Variants in LPAR1 observed in about 807,000 individuals in gnomAD.
LPAR1 encodes lysophosphatidic acid receptor 1.
Under a neutral mutation model 23.8 loss-of-function variants are expected in LPAR1, and 5 were observed. That is an observed-to-expected ratio of 0.21 (90% confidence interval 0.11 to 0.44). The LOEUF (loss-of-function observed/expected upper bound fraction) is 0.44, where lower values mean the gene tolerates loss of function less well. Ranked by LOEUF, LPAR1 falls within the 20% of genes least tolerant of loss-of-function variation. The pLI, the probability that LPAR1 is intolerant of heterozygous loss-of-function variation, is 0.99. For synonymous variants in LPAR1, 160 were observed against 164.7 expected, an observed-to-expected ratio of 0.97 and a Z score of 0.22; for missense variants, 311 against 482.8, an observed-to-expected ratio of 0.64 and a Z score of 3.33.
chr9:110,930,886 G>A (rs1054277989), intron 5 of LPAR1, among the ~76,000 whole-genome samples: 11 of 152,144 alleles, frequency 7.2e-5, no homozygotes, highest in Non-Finnish European at 1.6e-4. Context: ...CTGCACTCCA[G>A]CCTGGGCAAC....
intron 2 of LPAR1, among the ~76,000 whole-genome samples, chr9:111,034,797 T>C (rs1414704058): frequency 2.0e-5 from 3 of 152,168 alleles, no homozygotes; most frequent in South Asian, 2.1e-4. Context: ...CCTATCCCCA[T>C]GTAGCATAAC....
At chr9:110,954,602 G>A (rs2095674631) in intron 4 of LPAR1, among the ~76,000 whole-genome samples, 1 of 151,982 alleles carries the variant, frequency 6.6e-6, no homozygotes, top group African/African-American at 2.4e-5. Context: ...ACTTATAAGG[G>A]AACCCTCATC....
chr9:111,014,911 C>T (rs2097410655), intron 2 of LPAR1, among the ~76,000 whole-genome samples: 1 of 151,746 alleles, frequency 6.6e-6, no homozygotes, highest in African/African-American at 2.4e-5. Context: ...TCCTAACTCC[C>T]AGTACCTCAG....
chr9:110,947,971 G>C (rs1001148517), intron 4 of LPAR1, among the ~76,000 whole-genome samples: 2 of 152,138 alleles, frequency 1.3e-5, no homozygotes, highest in African/African-American at 4.8e-5. Flanking sequence ...AAATACAATA[G>C]AGTGAGCCGG....
At chr9:110,956,156 A>G (rs572199715) in intron 4 of LPAR1, among the ~76,000 whole-genome samples, 13 of 142,560 alleles carry the variant, frequency 9.1e-5, no homozygotes, top group Non-Finnish European at 1.7e-4. Context: ...GAAACACTGC[A>G]TGTTCTCACT....
chr9:111,025,669 T>C (rs2097676393), intron 2 of LPAR1, among the ~76,000 whole-genome samples: 1 of 152,228 alleles, frequency 6.6e-6, no homozygotes, highest in Admixed American at 6.5e-5. Flanking sequence ...TTAGGGTTTT[T>C]ATGGTTTTAG....
chr9:110,961,582 T>C (rs1193747346), intron 4 of LPAR1, among the ~76,000 whole-genome samples: 1 of 133,250 alleles, frequency 7.5e-6, no homozygotes, highest in Non-Finnish European at 1.5e-5. Flanking sequence ...ATCATGCCAC[T>C]GCACTTCAGC....
chr9:110,984,305 T>A (rs1180180764), intron 2 of LPAR1, among the ~76,000 whole-genome samples: 5 of 152,124 alleles, frequency 3.3e-5, no homozygotes, highest in African/African-American at 1.2e-4. Flanking sequence ...TTAATTTTTT[T>A]AGTTCCTACA....
chr9:111,019,593 C>G (rs969109859), intron 2 of LPAR1, among the ~76,000 whole-genome samples: 1 of 151,904 alleles, frequency 6.6e-6, no homozygotes, highest in Non-Finnish European at 1.5e-5. Context: ...TAAAAAGTTC[C>G]TTGGGAGGCC....
At chr9:111,003,603 G>GTAC (rs1445178608) in intron 2 of LPAR1, among the ~76,000 whole-genome samples, 6 of 152,148 alleles carry the variant, frequency 3.9e-5, no homozygotes, top group African/African-American at 7.2e-5. Context: ...GGTAAGATAA[G>GTAC]TACAGTGAAC....
intron 2 of LPAR1, among the ~76,000 whole-genome samples, chr9:110,995,417 A>G (rs2096979096): frequency 6.6e-6 from 1 of 152,148 alleles, no homozygotes; most frequent in Non-Finnish European, 1.5e-5. Context: ...CAATCCTAAT[A>G]TCTACTTCAG....
intron 4 of LPAR1, among the ~76,000 whole-genome samples, chr9:110,960,676 T>A (rs1405683580): frequency 6.6e-6 from 1 of 152,206 alleles, no homozygotes; most frequent in African/African-American, 2.4e-5. Flanking sequence ...GAATTCAGTC[T>A]GAGCCATTAA....
chr9:110,999,090 T>C (rs191094636), intron 2 of LPAR1, among the ~76,000 whole-genome samples: 2 of 152,296 alleles, frequency 1.3e-5, no homozygotes, highest in Non-Finnish European at 2.9e-5. Context: ...TCAAAAGCTG[T>C]AGTGAAATTA....
intron 2 of LPAR1, among the ~76,000 whole-genome samples, chr9:110,995,087 C>T (rs1371963441): frequency 6.6e-6 from 1 of 152,076 alleles, no homozygotes; most frequent in Non-Finnish European, 1.5e-5. Flanking sequence ...CTTCTGTTTC[C>T]AGGATACATG....
At chr9:110,966,576 G>A (rs2137782301) in intron 4 of LPAR1, among the ~76,000 whole-genome samples, 1 of 151,562 alleles carries the variant, frequency 6.6e-6, no homozygotes, top group South Asian at 2.1e-4. Context: ...TGCATGTTCT[G>A]CACATGTATC....
chr9:111,012,886 T>C (rs1588860453), intron 2 of LPAR1, among the ~76,000 whole-genome samples: 1 of 152,158 alleles, frequency 6.6e-6, no homozygotes, highest in Non-Finnish European at 1.5e-5. Context: ...TTCCTGTGAC[T>C]GGACAGGACA....
intron 4 of LPAR1, among the ~76,000 whole-genome samples, chr9:110,963,448 A>C (rs1420947773): frequency 6.6e-6 from 1 of 152,218 alleles, no homozygotes; most frequent in African/African-American, 2.4e-5. Context: ...TAGAGTGTTT[A>C]TCCAACGTGG....
chr9:110,901,399 G>T (rs1564411562), intron 5 of LPAR1, among the ~76,000 whole-genome samples: 3 of 152,146 alleles, frequency 2.0e-5, no homozygotes, highest in African/African-American at 7.2e-5. Flanking sequence ...CTGTTCTCAT[G>T]CTGCTAATAA....
intron 2 of LPAR1, among the ~76,000 whole-genome samples, chr9:111,011,341 C>G (rs1389971529): frequency 6.6e-6 from 1 of 152,168 alleles, no homozygotes; most frequent in South Asian, 2.1e-4. Context: ...ACTGCAGAAT[C>G]TATTCTCTAT....
Sources: allele counts gnomAD v4.1 joint callset (sites outside exome capture counted in the v4.1 genomes callset), GRCh38; gene constraint gnomAD v4.1.1; transcripts MANE v1.5; gene names NCBI Gene and HGNC (gene_info 2026-07-23, HGNC 2026-07-21).